The following PEX5L variants were observed in gnomAD, a reference collection of about 807,000 sequenced individuals.
PEX5L encodes the protein peroxisomal biogenesis factor 5 like.
In PEX5L, 30 loss-of-function variants were observed where a neutral mutation model predicts 84.0. The observed-to-expected ratio is 0.36, with a 90% CI of 0.27 to 0.48. The LOEUF is 0.48. Ranked by LOEUF, PEX5L falls within the 20% of genes least tolerant of loss-of-function variation. The pLI is 0.99. For missense variants in PEX5L, 533 were observed against 754.6 expected, an observed-to-expected ratio of 0.71 and a Z score of 3.44; for synonymous variants, 270 against 283.1, an observed-to-expected ratio of 0.95 and a Z score of 0.46.
At chr3:180,013,994 C>T (rs1457120225) in intron 1 of PEX5L, among the ~76,000 whole-genome samples, 1 of 152,162 alleles carries the variant, frequency 6.6e-6, no homozygotes, top group African/African-American at 2.4e-5. Context: ...ACTGCAATAA[C>T]TACAAGTATG....
At chr3:179,926,815 T>G (rs1260394525) in intron 2 of PEX5L, among the ~76,000 whole-genome samples, 1 of 152,210 alleles carries the variant, frequency 6.6e-6, no homozygotes, top group Non-Finnish European at 1.5e-5. Context: ...AAAATATTGT[T>G]TAACCGTGTA....
chr3:179,895,021 T>C (rs2108941745), intron 3 of PEX5L, among the ~76,000 whole-genome samples: 1 of 152,232 alleles, frequency 6.6e-6, no homozygotes, highest in Admixed American at 6.5e-5. Context: ...ATTCTCAAAT[T>C]GAATTTGTTT....
chr3:179,819,906 T>C lies in PEX5L; in HGVS notation c.893A>G (p.Glu298Gly), dbSNP rs755628106. Residue 298 changes from glutamate (E) to glycine (G), a missense_variant, in exon 9 of 15, where the codon GAG becomes GGG. By Grantham distance (98) the Glu-to-Gly change is moderately conservative (BLOSUM62 -2). Transcript: ENST00000467460. ...EEMARRNWISENQEAQNQVTI... is the reference protein window; with the variant it reads ...EEMARRNWISGNQEAQNQVTI... ...TACTTGGTTCTGGGCTTCTTGGTTC[T>C]CAGATATCCAGTTCCTCCGAGCCAT... is the stretch of plus-strand genomic sequence containing the variant. 2.5e-6 allele frequency: 4 copies of C among 1,614,120 alleles called. No homozygotes were observed. The highest frequency in any genetic ancestry group is 3.4e-6 in the Non-Finnish European group (4 of 1,179,990).
At chr3:179,958,195 A>G (rs1208177952) in intron 2 of PEX5L, among the ~76,000 whole-genome samples, 5 of 152,094 alleles carry the variant, frequency 3.3e-5, no homozygotes, top group African/African-American at 1.2e-4. Context: ...GCTTTTTCAG[A>G]TTTTACCATC....
intron 8 of PEX5L, among the ~76,000 whole-genome samples, chr3:179,857,703 G>T (rs1744533248): frequency 6.6e-6 from 1 of 152,092 alleles, no homozygotes; most frequent in African/African-American, 2.4e-5. Context: ...GATTCCATGG[G>T]TTTAAAATAA....
At chr3:179,869,368 A>C (rs1749493624) in intron 7 of PEX5L, among the ~76,000 whole-genome samples, 1 of 152,090 alleles carries the variant, frequency 6.6e-6, no homozygotes, top group Non-Finnish European at 1.5e-5. Flanking sequence ...GTGTTTTCTA[A>C]TTTTTTGGGA....
At chr3:179,903,543 T>C (rs1038991945) in intron 2 of PEX5L, among the ~76,000 whole-genome samples, 1 of 152,202 alleles carries the variant, frequency 6.6e-6, no homozygotes, top group African/African-American at 2.4e-5. Context: ...TCTTTAGTTT[T>C]GCATATACTA....
intron 1 of PEX5L, among the ~76,000 whole-genome samples, chr3:180,000,718 C>T (rs1241050591): frequency 3.9e-5 from 6 of 152,046 alleles, no homozygotes; most frequent in Admixed American, 6.6e-5. Flanking sequence ...TCCCTTATCA[C>T]GTGACATCAG....
intron 7 of PEX5L, among the ~76,000 whole-genome samples, chr3:179,862,554 G>A (rs1746593044): frequency 6.6e-6 from 1 of 152,112 alleles, no homozygotes; most frequent in Non-Finnish European, 1.5e-5. Flanking sequence ...GCTTTATAAA[G>A]CTCTGTTCCT....
chr3:180,001,731 T>C (rs1788437974), intron 1 of PEX5L, among the ~76,000 whole-genome samples: 1 of 152,172 alleles, frequency 6.6e-6, no homozygotes, highest in Non-Finnish European at 1.5e-5. Flanking sequence ...CATAAATGCT[T>C]TACTGGGGTA....
chr3:179,886,609 C>T (rs981998038), intron 4 of PEX5L, among the ~76,000 whole-genome samples: 1 of 152,122 alleles, frequency 6.6e-6, no homozygotes, highest in Non-Finnish European at 1.5e-5. Flanking sequence ...AGTTAAGCAA[C>T]ATGCCCCTGG....
At chr3:179,860,502 C>T (rs537962981) in intron 7 of PEX5L, among the ~76,000 whole-genome samples, 180 of 152,296 alleles carry the variant, frequency 1.2e-3, no homozygotes, top group Non-Finnish European at 2.4e-3. Context: ...GGGTGGGACC[C>T]GGGCCTTTGA....
At chr3:179,859,210 A>G in intron 7 of PEX5L, 53 bp from the exon 8 acceptor site, 2 of 1,277,220 alleles carry the variant, frequency 1.6e-6, no homozygotes, top group Non-Finnish European at 2.3e-6. Flanking sequence ...ATGTTATTAT[A>G]GAAATATACA....
chr3:179,805,872 C>T (rs1475823271), intron 14 of PEX5L, among the ~76,000 whole-genome samples: 1 of 151,876 alleles, frequency 6.6e-6, no homozygotes, highest in Admixed American at 6.6e-5. Context: ...AATTTTGTAT[C>T]TGTGAATGCC....
chr3:180,026,720 C>T (rs1009500960), intron 1 of PEX5L, among the ~76,000 whole-genome samples: 2 of 152,136 alleles, frequency 1.3e-5, no homozygotes, highest in Non-Finnish European at 2.9e-5. Flanking sequence ...ACTAAATAAA[C>T]GCAGGCTTAA....
chr3:179,970,328 A>G (rs1784409486), intron 2 of PEX5L, among the ~76,000 whole-genome samples: 1 of 152,018 alleles, frequency 6.6e-6, no homozygotes, highest in Admixed American at 6.6e-5. Context: ...TCAGACATAG[A>G]CTGCATGCCC....
At chr3:179,875,542 G>C in intron 5 of PEX5L, 65 bp from the exon 6 acceptor site, 2 of 1,085,162 alleles carry the variant, frequency 1.8e-6, no homozygotes, top group South Asian at 1.3e-5. Flanking sequence ...GAGCGGTGGC[G>C]GGGAGTGGGG....
chr3:179,864,105 C>T (rs951211230), intron 7 of PEX5L, among the ~76,000 whole-genome samples: 1 of 152,132 alleles, frequency 6.6e-6, no homozygotes, highest in Admixed American at 6.6e-5. Context: ...CCACGTGGAA[C>T]TCTAAGTCCA....
intron 2 of PEX5L, among the ~76,000 whole-genome samples, chr3:179,915,521 T>A (rs994293567): frequency 6.6e-6 from 1 of 152,246 alleles, no homozygotes; most frequent in Admixed American, 6.5e-5. Flanking sequence ...AGTCACTCAA[T>A]TTTGAAGATT....
Sources: gnomAD v4.1 joint callset for allele counts (sites outside exome capture counted in the v4.1 genomes callset) on GRCh38, gnomAD v4.1.1 for gene constraint, MANE v1.5 for transcripts, NCBI Gene and HGNC (gene_info 2026-07-23, HGNC 2026-07-21) for gene names.